TRANK1: variants seen among roughly 807,000 people sequenced by gnomAD.
TRANK1 encodes the protein TPR and ankyrin repeat-containing protein 1.
TRANK1 carries 198 observed loss-of-function variants against 266.0 expected under a neutral mutation model. The observed-to-expected ratio is 0.74, with a 90% confidence interval of 0.66 to 0.84. The LOEUF is 0.84. Among genes scored for constraint, TRANK1 ranks in the 40% least tolerant of loss-of-function variants. The pLI is 0.00. For synonymous variants in TRANK1, 1,396 were observed against 1,384.1 expected (o/e 1.01, Z -0.19); for missense variants, 3,326 against 3,634.6 (o/e 0.92, Z 2.18).
chr3:36,890,453 C>T (rs2079674453), intron 7 of TRANK1, among the ~76,000 whole-genome samples: 1 of 152,120 alleles, frequency 6.6e-6, no homozygotes. Flanking sequence ...TCAAGAGCTA[C>T]AGAATGCACT....
intron 22 of TRANK1, 122 bp from the exon 23 acceptor site, chr3:36,829,784 C>T: frequency 9.8e-7 from 1 of 1,018,080 alleles, no homozygotes; most frequent in East Asian, 2.6e-5. Context: ...CTGAAAAGAG[C>T]CCTCCTTATC....
At chr3:36,828,418 G>GA (rs1559409648) in intron 23 of TRANK1, 43 bp from the exon 24 acceptor site, 14 of 447,650 alleles carry the variant, frequency 3.1e-5, no homozygotes, top group Non-Finnish European at 5.9e-5. Context: ...GGAAAGAAGG[G>GA]AGGGAGGGAG....
At chr3:36,931,496 G>A (rs1359184378) in intron 1 of TRANK1, among the ~76,000 whole-genome samples, 2 of 152,068 alleles carry the variant, frequency 1.3e-5, no homozygotes, top group Non-Finnish European at 2.9e-5. Context: ...CTTGAGCCCA[G>A]GAGTTCCAGA....
intron 1 of TRANK1, among the ~76,000 whole-genome samples, chr3:36,914,654 G>C (rs1049815749): frequency 6.7e-6 from 1 of 150,326 alleles, no homozygotes; most frequent in Admixed American, 6.6e-5. Flanking sequence ...TATTTATTTC[G>C]AGAAGGAGTT....
intron 9 of TRANK1, among the ~76,000 whole-genome samples, 193 bp downstream of exon 9, chr3:36,873,933 T>C (rs1353566309): frequency 7.2e-6 from 1 of 138,088 alleles, no homozygotes; most frequent in Admixed American, 7.4e-5. Context: ...TCTCTCTAAA[T>C]AAGAGCTATC....
chr3:36,891,855 G>C (rs1169856468), intron 7 of TRANK1, among the ~76,000 whole-genome samples: 1 of 152,108 alleles, frequency 6.6e-6, no homozygotes, highest in Non-Finnish European at 1.5e-5. Flanking sequence ...GACCAAAGCT[G>C]CCTATGCCGG....
chr3:36,889,170 C>T (rs1182498752), intron 8 of TRANK1, among the ~76,000 whole-genome samples: 1 of 152,210 alleles, frequency 6.6e-6, no homozygotes, highest in Non-Finnish European at 1.5e-5. Flanking sequence ...TGTCACCTCC[C>T]TTCCACAGAG....
intron 1 of TRANK1, among the ~76,000 whole-genome samples, chr3:36,939,256 A>AAC (rs1301836466): frequency 1.5e-5 from 2 of 129,210 alleles, no homozygotes; most frequent in Admixed American, 8.0e-5. Flanking sequence ...TTCCCATTCT[A>AAC]ACATACACAC....
chr3:36,863,982 T>TC (rs1345626717), intron 10 of TRANK1, among the ~76,000 whole-genome samples: 3 of 152,216 alleles, frequency 2.0e-5, no homozygotes, highest in African/African-American at 7.2e-5. Context: ...GGAAGAACAT[T>TC]CAATTCTACA....
At chr3:36,869,584 A>T (rs1030675899) in intron 9 of TRANK1, among the ~76,000 whole-genome samples, 1 of 152,216 alleles carries the variant, frequency 6.6e-6, no homozygotes, top group Non-Finnish European at 1.5e-5. Context: ...ATGGATTAGG[A>T]TGGGGAAGGA....
chr3:36,913,306 T>C (rs2080079029), intron 1 of TRANK1, among the ~76,000 whole-genome samples: 1 of 152,100 alleles, frequency 6.6e-6, no homozygotes, highest in African/African-American at 2.4e-5. Flanking sequence ...CCGCCTCGTG[T>C]CCCAAAGTGC....
intron 8 of TRANK1, among the ~76,000 whole-genome samples, chr3:36,881,329 G>A (rs1400566953): frequency 1.3e-5 from 2 of 152,116 alleles, no homozygotes; most frequent in African/African-American, 4.8e-5. Flanking sequence ...GCATGCGCCT[G>A]TAGTCCCAGA....
intron 8 of TRANK1, among the ~76,000 whole-genome samples, chr3:36,876,553 A>C (rs2079390879): frequency 6.6e-6 from 1 of 152,248 alleles, no homozygotes; most frequent in Non-Finnish European, 1.5e-5. Context: ...GGTGGCCTTA[A>C]CTGAAAGACA....
chr3:36,829,489 T>A, intron 23 of TRANK1, 75 bp downstream of exon 23: 1 of 1,479,042 alleles, frequency 6.8e-7, no homozygotes, highest in Non-Finnish European at 9.4e-7. Context: ...CACTTCAGAT[T>A]CCCCCCGGGA....
intron 5 of TRANK1, 46 bp from the exon 6 acceptor site, chr3:36,893,030 A>G (rs2079731809): frequency 1.7e-6 from 2 of 1,173,186 alleles, no homozygotes; most frequent in Non-Finnish European, 2.3e-6. Flanking sequence ...TGTTCTCCAC[A>G]TAGGTTATTA....
intron 10 of TRANK1, 82 bp downstream of exon 10, chr3:36,864,237 T>C: frequency 1.5e-6 from 2 of 1,351,174 alleles, no homozygotes; most frequent in Non-Finnish European, 1.9e-6. Context: ...TTTTTAAAAT[T>C]AATTTCTGAA....
chr3:36,851,964 A>C, intron 14 of TRANK1, 108 bp from the exon 15 acceptor site: 1 of 1,444,960 alleles, frequency 6.9e-7, no homozygotes, highest in Non-Finnish European at 9.2e-7. Flanking sequence ...GGCCAGCATA[A>C]ACATGGTCAG....
chr3:36,828,358 C>A lies in TRANK1; in HGVS notation c.8827G>T (p.Asp2943Tyr), dbSNP rs2078654198. ...AAGTCTTCAACTTCATTTTCATAAT[C>A]ATCTTCCTGAACAATACCTGAAGAA... ...LKKEGIVQED[D>Y]YENEVEDFGE... Residue 2943 changes from aspartate to tyrosine, a missense_variant, in exon 24 of 24, where the codon GAT becomes TAT. Coordinates refer to ENST00000645898, the MANE Select transcript of TRANK1 (RefSeq NM_001329998.2). 4.2e-6 allele frequency: 6 copies of A among 1,421,508 alleles called. No homozygotes were observed. The highest frequency in any genetic ancestry group is 5.7e-6 in the Non-Finnish European group (6 of 1,057,774). The allele number at this position is 1,421,508 out of a possible 1,614,324, so 88.1% of individuals were successfully genotyped here. A position where few individuals can be genotyped will look rare whatever the true frequency, so the allele number is the denominator to read the frequency against.
At chr3:36,830,735 T>G in intron 22 of TRANK1, 138 bp downstream of exon 22, 2 of 976,184 alleles carry the variant, frequency 2.0e-6, no homozygotes, top group Non-Finnish European at 2.9e-6. Flanking sequence ...AGAATATATA[T>G]TCCTCATTTG....
Sources: allele counts gnomAD v4.1 joint callset (sites outside exome capture counted in the v4.1 genomes callset), GRCh38; gene constraint gnomAD v4.1.1; transcripts MANE v1.5; gene names NCBI Gene and HGNC (gene_info 2026-07-23, HGNC 2026-07-21).